Variants in ALDH1A2 observed in about 807,000 individuals in gnomAD.
ALDH1A2 encodes aldehyde dehydrogenase 1 family member A2.
Under a neutral mutation model 60.3 loss-of-function variants are expected in ALDH1A2, and 27 were observed. The observed-to-expected ratio is 0.45, with a 90% CI of 0.33 to 0.62. ALDH1A2 has a LOEUF of 0.62. Among genes scored for constraint, ALDH1A2 ranks in the 20% least tolerant of loss-of-function variants. The pLI is 0.02. For synonymous variants in ALDH1A2, 289 were observed against 232.4 expected, an observed-to-expected ratio of 1.24 and a Z score of -2.21; for missense variants, 581 against 643.8, an observed-to-expected ratio of 0.90 and a Z score of 1.06.
At chr15:57,961,092 C>T in intron 11 of ALDH1A2, 45 bp downstream of exon 11, 1 of 1,609,420 alleles carries the variant, frequency 6.2e-7, no homozygotes, top group Non-Finnish European at 8.5e-7. Context: ...ACCCTGGTCC[C>T]TATACCACCA....
intron 1 of ALDH1A2, among the ~76,000 whole-genome samples, chr15:58,021,231 AG>A (rs1895917127): frequency 6.6e-6 from 1 of 152,108 alleles, no homozygotes; most frequent in Non-Finnish European, 1.5e-5. Context: ...TGAGTTGGGG[AG>A]GGTTCACTAG....
intron 1 of ALDH1A2, among the ~76,000 whole-genome samples, chr15:58,041,159 C>T (rs1253804305): frequency 2.6e-5 from 4 of 151,944 alleles, no homozygotes; most frequent in African/African-American, 9.7e-5. Context: ...AACAATCTCT[C>T]CAGTCTCATC....
Position 58,065,616 on chromosome 15 carries a change from A to C in ALDH1A2, c.35T>G (p.Val12Gly). 3.1e-6 allele frequency: 5 copies of C among 1,607,658 alleles called. No homozygotes were observed. The South Asian group carries it at 5.5e-5, about 18-fold the overall frequency. Residue 12 changes from valine (V) to glycine (G), a missense_variant, in exon 1 of 13, where the codon GTG becomes GGG. Transcript: ENST00000249750. ...TSSKIEMPGE[V>G]KADPAALMAS... The stretch of plus-strand genomic sequence containing the variant: ...CATGAGGGCGGCGGGGTCGGCCTTC[A>C]CCTCGCCGGGCATCTCTATCTTGCT...
intron 4 of ALDH1A2, among the ~76,000 whole-genome samples, chr15:58,003,968 A>G (rs2140505659): frequency 6.6e-6 from 1 of 152,044 alleles, no homozygotes; most frequent in South Asian, 2.1e-4. Flanking sequence ...AAAGGAAACA[A>G]CATCAAGACT....
intron 7 of ALDH1A2, among the ~76,000 whole-genome samples, chr15:57,987,218 C>A (rs867235095): frequency 1.8e-4 from 27 of 151,770 alleles, no homozygotes; most frequent in African/African-American, 6.5e-4. Context: ...CCTAACATAT[C>A]TGTAAACAGA....
chr15:57,989,321 A>G (rs544022118), intron 7 of ALDH1A2, among the ~76,000 whole-genome samples: 2 of 152,340 alleles, frequency 1.3e-5, no homozygotes, highest in African/African-American at 2.4e-5. Context: ...TGAGGAGTCA[A>G]TATGGTAAAG....
chr15:58,007,405 A>G (rs1380737221), intron 4 of ALDH1A2, among the ~76,000 whole-genome samples: 2 of 152,028 alleles, frequency 1.3e-5, no homozygotes, highest in Middle Eastern at 3.2e-3. Flanking sequence ...CATCAGGGCC[A>G]CCTTCCTGCC....
intron 4 of ALDH1A2, among the ~76,000 whole-genome samples, chr15:58,008,125 C>G (rs911393112): frequency 2.6e-5 from 4 of 152,054 alleles, no homozygotes; most frequent in Non-Finnish European, 5.9e-5. Context: ...GTTTGAGACA[C>G]CATGGAGAGA....
chr15:58,058,492 G>C (rs1452706570), intron 1 of ALDH1A2, among the ~76,000 whole-genome samples: 1 of 145,516 alleles, frequency 6.9e-6, no homozygotes, highest in South Asian at 2.2e-4. Context: ...AAAAACCTAA[G>C]AGTCACTGGA....
At chr15:57,961,936 A>C in intron 10 of ALDH1A2, 76 bp downstream of exon 10, 1 of 1,560,710 alleles carries the variant, frequency 6.4e-7, no homozygotes, top group South Asian at 1.1e-5. Flanking sequence ...CTAAAACTCT[A>C]ATATCATCCA....
At chr15:57,959,238 C>T (rs1893641355) in intron 12 of ALDH1A2, among the ~76,000 whole-genome samples, 1 of 152,094 alleles carries the variant, frequency 6.6e-6, no homozygotes, top group Non-Finnish European at 1.5e-5. Context: ...GTGACTGACC[C>T]CAGCATTTCA....
chr15:58,064,836 C>T (rs1595702247), intron 1 of ALDH1A2, among the ~76,000 whole-genome samples: 1 of 151,522 alleles, frequency 6.6e-6, no homozygotes, highest in African/African-American at 2.4e-5. Flanking sequence ...GCTTAGCAAA[C>T]CCAAGATGTC....
Position 57,961,888 on chromosome 15 carries a change from T to C in ALDH1A2, c.1251+124A>G, listed in dbSNP as rs373828906. On this transcript the variant is annotated intron_variant, in intron 10 of 12. Coordinates refer to ENST00000249750, the MANE Select transcript of ALDH1A2 (RefSeq NM_003888.4). ...ACTGGAATTTTCATAGCCATGTTCATTACTGTTGCAAAATGAATATATGTA... is the reference window on the plus strand; with the variant it reads ...ACTGGAATTTTCATAGCCATGTTCACTACTGTTGCAAAATGAATATATGTA... 2,952 of 1,346,738 alleles carry C rather than the reference T, an allele frequency of 2.2e-3. 19 individuals carry two copies. The highest frequency in any genetic ancestry group is 8.0e-3 in the South Asian group (640 of 79,906). 83.4% of individuals were successfully genotyped at this position (1,346,738 alleles called of 1,614,324 possible).
intron 12 of ALDH1A2, among the ~76,000 whole-genome samples, chr15:57,955,908 A>T (rs1171633765): frequency 6.6e-6 from 1 of 151,872 alleles, no homozygotes; most frequent in East Asian, 1.9e-4. Context: ...AATCTATTTC[A>T]TTATAAAATC....
intron 1 of ALDH1A2, among the ~76,000 whole-genome samples, chr15:58,053,929 T>G (rs568139815): frequency 6.6e-6 from 1 of 152,148 alleles, no homozygotes; most frequent in South Asian, 2.1e-4. Flanking sequence ...TACCCATTTG[T>G]GAAGGTTAAT....
chr15:58,057,508 A>G (rs1336141208), intron 1 of ALDH1A2, among the ~76,000 whole-genome samples: 2 of 152,206 alleles, frequency 1.3e-5, no homozygotes, highest in African/African-American at 4.8e-5. Context: ...ACTGCAAAAC[A>G]TTAAGAACTA....
chr15:57,994,098 C>T (rs933491108), intron 5 of ALDH1A2, among the ~76,000 whole-genome samples: 5 of 152,164 alleles, frequency 3.3e-5, no homozygotes, highest in African/African-American at 1.2e-4. Context: ...GAAGCTGCAG[C>T]GTTGAGAGTC....
chr15:58,019,751 A>G (rs1216634582), intron 1 of ALDH1A2, among the ~76,000 whole-genome samples: 1 of 152,188 alleles, frequency 6.6e-6, no homozygotes, highest in Non-Finnish European at 1.5e-5. Context: ...AATGATAGGC[A>G]CTTAGCTAAC....
chr15:57,956,585 A>G (rs4646638), intron 12 of ALDH1A2, among the ~76,000 whole-genome samples: 56,119 of 151,954 alleles, frequency 0.37, 11,194 homozygotes, highest in Non-Finnish European at 0.46. Flanking sequence ...CTGTCCGTAT[A>G]GTTCATTTCG....
Sources: gnomAD v4.1 joint callset for allele counts (sites outside exome capture counted in the v4.1 genomes callset) on GRCh38, gnomAD v4.1.1 for gene constraint, MANE v1.5 for transcripts, NCBI Gene and HGNC (gene_info 2026-07-23, HGNC 2026-07-21) for gene names.